TEFM: variants seen among roughly 807,000 people sequenced by gnomAD.
TEFM encodes the protein transcription elongation factor, mitochondrial.
TEFM carries 14 observed loss-of-function variants against 23.0 expected under a neutral mutation model. That is an observed-to-expected ratio of 0.61 (90% CI 0.40 to 0.95). The LOEUF is 0.95. TEFM is among the 40% of genes least tolerant of loss of function. The pLI, the probability that TEFM is intolerant of heterozygous loss-of-function variation, is 0.00. For missense variants in TEFM, 386 were observed against 425.5 expected (o/e 0.91, Z 0.82); for synonymous variants, 155 against 158.3 (o/e 0.98, Z 0.16).
At position 30,906,225 on chromosome 17, in the gene TEFM, C is replaced by T. The variant is rs1240117032; in HGVS notation, c.-27G>A. ...TCCAAGTTGAATCAGTAGGTCCAGT[C>T]TTCCTCCATTGACTTCCGGTTCCTG... On this transcript the variant is annotated 5_prime_UTR_variant, in exon 1 of 4. Transcript: ENST00000581216. The T allele has an allele frequency of 1.2e-6, 2 of 1,614,160 alleles. No individual in the cohort carries two copies. The highest frequency in any genetic ancestry group is 1.7e-6 in the Non-Finnish European group (2 of 1,180,056).
intron 2 of TEFM, among the ~76,000 whole-genome samples, chr17:30,902,554 C>A (rs1279786326): frequency 1.3e-5 from 2 of 152,176 alleles, no homozygotes; most frequent in Non-Finnish European, 2.9e-5. Context: ...AGAATCCTCC[C>A]TGAAGAATTT....
rs1202028427 is a variant in TEFM at position 30,899,419 on chromosome 17, C to T, written c.833G>A (p.Arg278Gln). The T allele has an allele frequency of 3.7e-6, 6 of 1,614,152 alleles. No homozygotes were observed. The highest frequency in any genetic ancestry group is 5.1e-6 in the Non-Finnish European group (6 of 1,179,994). The change falls in exon 4 of 4, where the codon CGA (arginine) becomes CAA (glutamine). Residue 278 changes from arginine to glutamine, a missense_variant. Arg to Gln is a conservative substitution (Grantham distance 43). Coordinates refer to ENST00000581216, the MANE Select transcript of TEFM (RefSeq NM_024683.4). ...TTCAAAATGCTTCCCCACTGCATTT[C>T]GATTCATGCTCAGCACCTGATGCTG... ...DGQHQVLSMNRNAVGKHFELM... is the reference protein window; with the variant it reads ...DGQHQVLSMNQNAVGKHFELM...
chr17:30,903,006 G>A (rs1192669671), intron 2 of TEFM, among the ~76,000 whole-genome samples: 1 of 151,616 alleles, frequency 6.6e-6, no homozygotes, highest in Admixed American at 6.6e-5. Context: ...AGCTGGGCGT[G>A]GTGGCATGTG....
chr17:30,900,839 C>G (rs960594319), intron 2 of TEFM, among the ~76,000 whole-genome samples: 1 of 151,840 alleles, frequency 6.6e-6, no homozygotes, highest in Admixed American at 6.6e-5. Flanking sequence ...ATCTCCTGAT[C>G]TCATGATCCA....
chr17:30,903,948 C>G, intron 2 of TEFM, 118 bp downstream of exon 2: 1 of 808,122 alleles, frequency 1.2e-6, no homozygotes, highest in Non-Finnish European at 1.9e-6. Context: ...TGATCATATA[C>G]TTGCCAACTA....
intron 3 of TEFM, 47 bp downstream of exon 3, chr17:30,900,364 TAC>T (rs1567705495): frequency 2.5e-6 from 4 of 1,577,778 alleles, no homozygotes; most frequent in Non-Finnish European, 2.6e-6. Context: ...AAGATTAAAC[TAC>T]ACAAGGAGCT....
At chr17:30,901,760 C>G (rs1910051769) in intron 2 of TEFM, among the ~76,000 whole-genome samples, 1 of 152,146 alleles carries the variant, frequency 6.6e-6, no homozygotes, top group South Asian at 2.1e-4. Context: ...AGAAAAATCA[C>G]TGATGGTGTA....
chr17:30,901,837 G>C (rs1037257386), intron 2 of TEFM, among the ~76,000 whole-genome samples: 5 of 152,310 alleles, frequency 3.3e-5, no homozygotes, highest in South Asian at 2.1e-4. Flanking sequence ...ATGAGAAAGT[G>C]TTAAGAATTG....
At chr17:30,899,649 T>C in intron 3 of TEFM, 43 bp from the exon 4 acceptor site, 1 of 1,369,122 alleles carries the variant, frequency 7.3e-7, no homozygotes, top group Non-Finnish European at 9.8e-7. Flanking sequence ...AATAATTCAT[T>C]ACATTTTATG....
chr17:30,902,915 G>A (rs1193453174), intron 2 of TEFM, among the ~76,000 whole-genome samples: 2 of 151,584 alleles, frequency 1.3e-5, no homozygotes, highest in Non-Finnish European at 2.9e-5. Flanking sequence ...GCCCGAGGCA[G>A]GTGGATCACG....
intron 2 of TEFM, 85 bp downstream of exon 2, chr17:30,903,981 C>A: frequency 8.2e-7 from 1 of 1,220,458 alleles, no homozygotes; most frequent in Middle Eastern, 2.3e-4. Flanking sequence ...CCTGTCTTAG[C>A]CACTTCCCAA....
At chr17:30,902,976 C>G (rs2142475339) in intron 2 of TEFM, among the ~76,000 whole-genome samples, 1 of 151,820 alleles carries the variant, frequency 6.6e-6, no homozygotes, top group South Asian at 2.1e-4. Flanking sequence ...AACCTCATCT[C>G]TACTAAAAAT....
intron 1 of TEFM, among the ~76,000 whole-genome samples, chr17:30,905,669 T>A (rs1910155211): frequency 6.6e-6 from 1 of 152,224 alleles, no homozygotes; most frequent in African/African-American, 2.4e-5. Context: ...CTTTCTTCCG[T>A]ACACTTTTCA....
intron 2 of TEFM, among the ~76,000 whole-genome samples, chr17:30,901,665 A>G (rs1408544279): frequency 6.6e-6 from 1 of 152,194 alleles, no homozygotes; most frequent in African/African-American, 2.4e-5. Flanking sequence ...GATGTCTATA[A>G]AGGTAAGTAA....
At position 30,904,480 on chromosome 17, in the gene TEFM, G is replaced by A. The variant is rs751781163; in HGVS notation, c.81C>T (p.Ala27=). Residue 27 remains alanine, a synonymous_variant, in exon 2 of 4, where the codon GCC becomes GCT. Coordinates refer to ENST00000581216, the MANE Select transcript of TEFM (RefSeq NM_024683.4). ...LTPSRSSLYW[A]LHNFCCRKKS... is the part of the protein sequence containing the mutation. ...TTTTCCGACAGCAGAAATTATGTAA[G>A]GCCCAGTACAGGGATGACCTCGACG... 6.2e-7 allele frequency: 1 copy of A among 1,614,082 alleles called. No homozygotes were observed. Among genetic ancestry groups the A allele is most frequent in the Admixed American group, 1.7e-5 (1 of 59,998 alleles).
At chr17:30,903,272 G>A in intron 2 of TEFM, among the ~76,000 whole-genome samples, 1 of 142,548 alleles carries the variant, frequency 7.0e-6, no homozygotes, top group South Asian at 2.5e-4. Context: ...CTGTAGCCAG[G>A]CTGGAGTGCA....
At chr17:30,903,924 T>C (rs752590392) in intron 2 of TEFM, 142 bp downstream of exon 2, 2 of 662,340 alleles carry the variant, frequency 3.0e-6, no homozygotes, top group Non-Finnish European at 5.0e-6. Context: ...TCTGTACATC[T>C]CATTATTTGG....
chr17:30,903,254 G>A (rs556964502), intron 2 of TEFM, among the ~76,000 whole-genome samples: 2 of 133,368 alleles, frequency 1.5e-5, no homozygotes, highest in Admixed American at 8.4e-5. Context: ...TTGAGACAGA[G>A]TCTTGCTCTG....
rs1459431019 is a variant in TEFM, at chr17:30,906,204, A to G, written c.-6T>C. ...AAGAGGACAGACCCGCTCATCTCCA[A>G]GTTGAATCAGTAGGTCCAGTCTTCC... is the stretch of plus-strand genomic sequence containing the variant. On this transcript the variant is annotated 5_prime_UTR_variant, in exon 1 of 4. Coordinates refer to ENST00000581216, the MANE Select transcript of TEFM (RefSeq NM_024683.4). 6 of 1,614,206 alleles carry G rather than the reference A, an allele frequency of 3.7e-6. No individual in the cohort carries two copies. Among genetic ancestry groups the G allele is most frequent in the Middle Eastern group, 1.6e-4 (1 of 6,062 alleles).
Sources: allele counts gnomAD v4.1 joint callset (sites outside exome capture counted in the v4.1 genomes callset), GRCh38; gene constraint gnomAD v4.1.1; transcripts MANE v1.5; gene names NCBI Gene and HGNC (gene_info 2026-07-23, HGNC 2026-07-21).